The following PDZRN4 variants were observed in gnomAD, a reference collection of about 807,000 sequenced individuals.
PDZRN4 encodes PDZ domain-containing RING finger protein 4.
Under a neutral mutation model 99.0 loss-of-function variants are expected in PDZRN4, and 70 were observed. The ratio of observed to expected loss-of-function variants is 0.71; its 90% CI spans 0.58 to 0.86. The LOEUF (loss-of-function observed/expected upper bound fraction) is 0.86. PDZRN4 is among the 40% of genes least tolerant of loss of function. The pLI, the probability that PDZRN4 is intolerant of heterozygous loss-of-function variation, is 0.00. For synonymous variants in PDZRN4, 551 were observed against 501.6 expected (o/e 1.10, Z -1.32); for missense variants, 1,474 against 1,331.2 (o/e 1.11, Z -1.67).
chr12:41,345,970 C>G (rs962852339), intron 3 of PDZRN4, among the ~76,000 whole-genome samples: 2 of 151,904 alleles, frequency 1.3e-5, no homozygotes, highest in Non-Finnish European at 2.9e-5. Flanking sequence ...CTTATTAAAA[C>G]TAGTATTTTT....
chr12:41,353,637 G>A (rs1246816033), intron 3 of PDZRN4, among the ~76,000 whole-genome samples: 3 of 152,042 alleles, frequency 2.0e-5, no homozygotes, highest in Non-Finnish European at 4.4e-5. Context: ...TGGTGAGGAG[G>A]TGTGGCAAGC....
chr12:41,436,176 C>A (rs1351324119), intron 3 of PDZRN4, among the ~76,000 whole-genome samples: 1 of 152,168 alleles, frequency 6.6e-6, no homozygotes, highest in East Asian at 1.9e-4. Context: ...TTTTCACACA[C>A]ACTGTTCCCA....
chr12:41,436,185 C>T (rs1952627612), intron 3 of PDZRN4, among the ~76,000 whole-genome samples: 1 of 152,140 alleles, frequency 6.6e-6, no homozygotes, highest in Non-Finnish European at 1.5e-5. Context: ...ACACTGTTCC[C>T]AATTATGATG....
intron 3 of PDZRN4, among the ~76,000 whole-genome samples, chr12:41,484,299 A>G (rs1020443084): frequency 4.6e-5 from 7 of 152,246 alleles, no homozygotes; most frequent in Non-Finnish European, 7.3e-5. Flanking sequence ...CTTTCTCAAA[A>G]TTGCAGGATT....
rs577909912 is a variant in PDZRN4 at position 41,291,957 on chromosome 12, A to T, written c.843+97769A>T. Among the ~76,000 whole-genome samples the T allele has an allele frequency of 4.6e-5, 7 of 152,312 alleles. No individual in the cohort carries two copies. The South Asian group carries it at 1.4e-3, about 32-fold the overall frequency. ...AAACTGGGAGGAAGGCAGGACCAGG[A>T]TAACTGGAAATATACTAGCATTGGG... On this transcript the variant is annotated intron_variant, in intron 3 of 9. Coordinates refer to ENST00000402685, the MANE Select transcript of PDZRN4 (RefSeq NM_001164595.2).
chr12:41,213,471 C>A (rs748404080), intron 3 of PDZRN4, among the ~76,000 whole-genome samples: 1 of 152,024 alleles, frequency 6.6e-6, no homozygotes, highest in Non-Finnish European at 1.5e-5. Context: ...CAGTCATGAG[C>A]GCATGCAATG....
At chr12:41,277,015 A>G (rs1028439186) in intron 3 of PDZRN4, among the ~76,000 whole-genome samples, 5 of 152,164 alleles carry the variant, frequency 3.3e-5, no homozygotes, top group African/African-American at 1.2e-4. Flanking sequence ...TACTATATTT[A>G]CCACTTTTCT....
intron 3 of PDZRN4, among the ~76,000 whole-genome samples, chr12:41,411,331 C>T (rs1952398085): frequency 6.6e-6 from 1 of 152,084 alleles, no homozygotes; most frequent in Non-Finnish European, 1.5e-5. Flanking sequence ...TTCATCTTTC[C>T]ATTTAAGAAA....
intron 3 of PDZRN4, among the ~76,000 whole-genome samples, chr12:41,437,312 C>G (rs1434398330): frequency 2.0e-5 from 3 of 152,002 alleles, no homozygotes; most frequent in Non-Finnish European, 4.4e-5. Flanking sequence ...CTCATTTTCC[C>G]CTAGGTTTAA....
chr12:41,498,517 C>A (rs1239115132), intron 3 of PDZRN4, among the ~76,000 whole-genome samples: 3 of 152,164 alleles, frequency 2.0e-5, no homozygotes, highest in African/African-American at 4.8e-5. Flanking sequence ...TGCCAGAGAG[C>A]AAAAGGTTTG....
At chr12:41,255,566 C>T (rs1266437671) in intron 3 of PDZRN4, among the ~76,000 whole-genome samples, 1 of 152,070 alleles carries the variant, frequency 6.6e-6, no homozygotes, top group African/African-American at 2.4e-5. Context: ...TTGAGGGAAC[C>T]TGTTTTTATT....
intron 3 of PDZRN4, among the ~76,000 whole-genome samples, chr12:41,392,105 C>A (rs1444164149): frequency 6.6e-6 from 1 of 152,186 alleles, no homozygotes; most frequent in East Asian, 1.9e-4. Flanking sequence ...CTTGTGAATT[C>A]AACACTTAGA....
intron 3 of PDZRN4, among the ~76,000 whole-genome samples, chr12:41,274,699 T>C (rs888091725): frequency 6.6e-6 from 1 of 152,112 alleles, no homozygotes; most frequent in Admixed American, 6.6e-5. Context: ...GATGATTCCA[T>C]TAGGAAAAGT....
intron 9 of PDZRN4, among the ~76,000 whole-genome samples, chr12:41,571,222 T>C (rs369945905): frequency 6.6e-6 from 1 of 152,062 alleles, no homozygotes. Flanking sequence ...TATCATATGA[T>C]GACTGATAGA....
chr12:41,264,496 G>A (rs762361566), intron 3 of PDZRN4, among the ~76,000 whole-genome samples: 9 of 151,992 alleles, frequency 5.9e-5, no homozygotes, highest in Non-Finnish European at 1.3e-4. Flanking sequence ...CTGAAGCTGA[G>A]AAAATATACT....
intron 3 of PDZRN4, among the ~76,000 whole-genome samples, chr12:41,393,308 C>T (rs889855476): frequency 1.5e-4 from 23 of 152,240 alleles, no homozygotes; most frequent in African/African-American, 5.1e-4. Context: ...GGTAAATGCA[C>T]GAACATATTA....
At chr12:41,462,305 A>G (rs1952880423) in intron 3 of PDZRN4, among the ~76,000 whole-genome samples, 1 of 152,216 alleles carries the variant, frequency 6.6e-6, no homozygotes, top group Admixed American at 6.5e-5. Flanking sequence ...ACTCAGATGG[A>G]GTCATTCAAG....
At chr12:41,228,739 C>T (rs982613777) in intron 3 of PDZRN4, among the ~76,000 whole-genome samples, 2 of 152,030 alleles carry the variant, frequency 1.3e-5, no homozygotes, top group Non-Finnish European at 2.9e-5. Context: ...AGATTGACAG[C>T]TTCCTTTAAG....
Position 41,188,908 on chromosome 12 carries a change from C to A in PDZRN4, c.453C>A (p.Gly151=), listed in dbSNP as rs1950714824. ...GGGGCGCGCGCGGGGGGCCGCCGGG[C>A]GGCCGCTGGGGCCGCGGGCGGGGAC... ...RGGGARGGPP[G]GRWGRGRGPG... is the part of the protein sequence containing the mutation. Residue 151 remains glycine, a synonymous_variant, in exon 1 of 10, where the codon GGC becomes GGA. Transcript: ENST00000402685. 1.8e-6 allele frequency: 2 copies of A among 1,118,666 alleles called. 1 individual carries two copies. The highest frequency in any genetic ancestry group is 3.3e-5 in the African/African-American group (2 of 60,254). The allele number at this position is 1,118,666 out of a possible 1,614,324, so 69.3% of individuals were successfully genotyped here.
Sources: gnomAD v4.1 joint callset for allele counts (sites outside exome capture counted in the v4.1 genomes callset) on GRCh38, gnomAD v4.1.1 for gene constraint, MANE v1.5 for transcripts, NCBI Gene and HGNC (gene_info 2026-07-23, HGNC 2026-07-21) for gene names.